The following CEP152 variants were observed in gnomAD, a reference collection of about 807,000 sequenced individuals.
CEP152 encodes centrosomal protein 152.
CEP152 carries 132 observed loss-of-function variants against 188.9 expected under a neutral mutation model. The observed-to-expected ratio is 0.70, with a 90% CI of 0.61 to 0.81. The LOEUF (loss-of-function observed/expected upper bound fraction) is 0.81. Among genes scored for constraint, CEP152 ranks in the 30% least tolerant of loss-of-function variants. The probability of loss-of-function intolerance (pLI) is 0.00; values close to 1 mark genes in which losing one functional copy is unlikely to be tolerated. For missense variants in CEP152, 1,914 were observed against 1,969.8 expected, an observed-to-expected ratio of 0.97 and a Z score of 0.54; for synonymous variants, 649 against 666.6, an observed-to-expected ratio of 0.97 and a Z score of 0.41.
At chr15:48,785,147 C>T (rs1425450532) in intron 9 of CEP152, among the ~76,000 whole-genome samples, 1 of 152,038 alleles carries the variant, frequency 6.6e-6, no homozygotes, top group Non-Finnish European at 1.5e-5. Context: ...TGTAGTATAA[C>T]CTAAAGCCCA....
At chr15:48,751,101 G>A (rs1295348317) in intron 21 of CEP152, among the ~76,000 whole-genome samples, 1 of 152,100 alleles carries the variant, frequency 6.6e-6, no homozygotes, top group Non-Finnish European at 1.5e-5. Flanking sequence ...CTCTCTGGTG[G>A]TAGGATTTTA....
At chr15:48,760,363 GT>G in intron 18 of CEP152, 97 bp from the exon 19 acceptor site, 1 of 1,403,462 alleles carries the variant, frequency 7.1e-7, no homozygotes, top group Non-Finnish European at 1.0e-6. Context: ...ATTTTATACT[GT>G]ATATCACTAC....
intron 13 of CEP152, among the ~76,000 whole-genome samples, chr15:48,771,288 G>A (rs1895514228): frequency 6.6e-6 from 1 of 152,160 alleles, no homozygotes; most frequent in Non-Finnish European, 1.5e-5. Context: ...GTCACAAAGT[G>A]CTCCAGCTTC....
Position 48,741,871 on chromosome 15 carries a change from G to C in CEP152, c.3989+76C>G, listed in dbSNP as rs1892998035. ...ATCATGTAGAAATAGTTAATTTAGT[G>C]GTTAAGGAAAATGCTTTAAAAATGA... On this transcript the variant is annotated intron_variant, in intron 25 of 26. Transcript: ENST00000380950. The C allele has an allele frequency of 3.7e-6, 6 of 1,612,988 alleles. No individual in the cohort carries two copies. In the East Asian group the frequency reaches 1.3e-4, roughly 36 times the overall value.
chr15:48,796,392 T>C (rs781564162), intron 5 of CEP152, among the ~76,000 whole-genome samples: 1 of 152,050 alleles, frequency 6.6e-6, no homozygotes. Context: ...CTGCAATACA[T>C]AATTTATAGA....
intron 12 of CEP152, chr15:48,773,420 C>CA (rs1895689642): frequency 6.6e-6 from 1 of 152,516 alleles, no homozygotes; most frequent in Non-Finnish European, 1.5e-5. Flanking sequence ...AGTGTCCAGG[C>CA]CATAGCACAG....
In CEP152 at chr15:48,783,974, G is replaced by A. The variant is rs372008720; in HGVS notation, c.1320C>T (p.Ser440=). ...ACAGTGGACCTACCAGACACCTACC[G>A]GACTGCAACAAGTGGGCACACTGCT... ...SQKQCAHLLQ[S]GSVQEVAQLQ... Residue 440 remains serine (S), a splice_region_variant and synonymous_variant, in exon 10 of 27, where the codon TCC becomes TCT. Transcript: ENST00000380950. 74 of 1,613,296 alleles carry A rather than the reference G, an allele frequency of 4.6e-5. No homozygotes were observed. The highest frequency in any genetic ancestry group is 3.3e-4 in the African/African-American group (25 of 74,730).
chr15:48,772,659 A>G lies in CEP152; in HGVS notation c.1610T>C (p.Leu537Pro), dbSNP rs1389083590. The part of the protein sequence containing the change: ...IVQEEDPNEE[L>P]SKDEFILKLK... ...CTTCAGAATGAACTCATCTTTTGAA[A>G]GCTCTTCATTTGGGTCTTCTTCTTG... is the stretch of plus-strand genomic sequence containing the variant. Residue 537 changes from leucine (L) to proline (P), a missense_variant, in exon 13 of 27, where the codon CTT (leucine) becomes CCT (proline). By Grantham distance (98) the Leu-to-Pro change is moderately conservative. Transcript: ENST00000380950. 4 of 1,614,092 alleles carry G rather than the reference A, an allele frequency of 2.5e-6. No homozygotes were observed. The South Asian group carries it at 4.4e-5, about 18-fold the overall frequency.
At chr15:48,730,018 C>T (rs1159396117) in intron 2 of CEP152, among the ~76,000 whole-genome samples, 1 of 151,634 alleles carries the variant, frequency 6.6e-6, no homozygotes, top group African/African-American at 2.4e-5. Flanking sequence ...AAAATTACTA[C>T]AAAACTGAAA....
chr15:48,751,186 A>C (rs1893850792), intron 21 of CEP152, among the ~76,000 whole-genome samples: 1 of 152,156 alleles, frequency 6.6e-6, no homozygotes, highest in South Asian at 2.1e-4. Context: ...GTTTGTTTTT[A>C]AGGGAAAAAA....
rs1165233317 is a variant in CEP152 at position 48,739,100 on chromosome 15, G to C, written c.4282C>G (p.His1428Asp). 6.2e-7 allele frequency: 1 copy of C among 1,614,184 alleles called. No individual in the cohort carries two copies. The highest frequency in any genetic ancestry group is 1.7e-5 in the Admixed American group (1 of 60,026). Residue 1428 changes from histidine (H) to aspartate (D), a missense_variant, in exon 27 of 27, where the codon CAT becomes GAT. By Grantham distance (81) the His-to-Asp change is moderately conservative (BLOSUM62 -1). Coordinates refer to ENST00000380950, the MANE Select transcript of CEP152 (RefSeq NM_001194998.2). ...NLQRLLENSE[H>D]QSIKHVGSKE... The stretch of plus-strand genomic sequence containing the variant: ...GATCCCACATGCTTTATGCTCTGAT[G>C]CTCTGAGTTCTCTAACAGCCTTTGT...
chr15:48,794,939 A>G (rs1204938578), intron 6 of CEP152, among the ~76,000 whole-genome samples: 1 of 152,224 alleles, frequency 6.6e-6, no homozygotes, highest in Non-Finnish European at 1.5e-5. Context: ...GATGGAAGCA[A>G]CAATATGAAG....
chr15:48,735,488 A>G (rs1414629878), downstream of CEP152, among the ~76,000 whole-genome samples: 1 of 152,198 alleles, frequency 6.6e-6, no homozygotes, highest in Non-Finnish European at 1.5e-5. Flanking sequence ...TAATCCCAGC[A>G]CTTTGGGAGG....
chr15:48,771,557 G>A (rs1345378180), intron 13 of CEP152, among the ~76,000 whole-genome samples: 2 of 152,136 alleles, frequency 1.3e-5, no homozygotes, highest in South Asian at 2.1e-4. Flanking sequence ...TTAAAGAAAT[G>A]CAGATTCCTT....
chr15:48,808,576 C>T (rs1345098674), intron 1 of CEP152, among the ~76,000 whole-genome samples: 3 of 151,794 alleles, frequency 2.0e-5, no homozygotes, highest in Non-Finnish European at 4.4e-5. Flanking sequence ...TGCTTAAGCT[C>T]GTGATGTTTC....
chr15:48,783,707 C>T (rs1429573864), intron 10 of CEP152, among the ~76,000 whole-genome samples: 1 of 149,808 alleles, frequency 6.7e-6, no homozygotes, highest in Admixed American at 6.7e-5. Flanking sequence ...TTATACTGGT[C>T]TCCAGCTTCC....
chr15:48,797,870 T>G lies in CEP152; in HGVS notation c.191+78A>C, dbSNP rs2140908379. 2.0e-6 allele frequency: 3 copies of G among 1,476,080 alleles called. No homozygotes were observed. In the East Asian group the frequency reaches 7.2e-5, roughly 36 times the overall value. The allele number at this position is 1,476,080 out of a possible 1,614,324, so 91.4% of individuals were successfully genotyped here. A position where few individuals can be genotyped will look rare whatever the true frequency, so the allele number is the denominator to read the frequency against. On this transcript the variant is annotated intron_variant, in intron 3 of 26. Transcript: ENST00000380950. Reference sequence around the variant, plus strand: ...GAATCAATTTACAATTTTATAATCATGTAATTATTAATCTTCATCAAAAGA... The same window carrying G: ...GAATCAATTTACAATTTTATAATCAGGTAATTATTAATCTTCATCAAAAGA...
Position 48,788,724 on chromosome 15 carries a change from G to A in CEP152, c.1173+77C>T, listed in dbSNP as rs561030213. ...CAAACATCCAAGACTTCTATATGATGAACCATAAAATATCAGTTACAAAAC... is the reference window on the plus strand; with the variant it reads ...CAAACATCCAAGACTTCTATATGATAAACCATAAAATATCAGTTACAAAAC... On this transcript the variant is annotated intron_variant, in intron 9 of 26. Transcript: ENST00000380950. 36 of 1,311,282 alleles carry A rather than the reference G, an allele frequency of 2.7e-5. No homozygotes were observed. In the African/African-American group the frequency reaches 3.6e-4, roughly 13 times the overall value. The allele number at this position is 1,311,282 out of a possible 1,614,324, so 81.2% of individuals were successfully genotyped here.
intron 2 of CEP152, among the ~76,000 whole-genome samples, chr15:48,800,557 T>C (rs1897607932): frequency 6.6e-6 from 1 of 152,204 alleles, no homozygotes; most frequent in African/African-American, 2.4e-5. Flanking sequence ...TTAGAAACTA[T>C]AAATTTTCCT....
Sources: allele counts gnomAD v4.1 joint callset (sites outside exome capture counted in the v4.1 genomes callset), GRCh38; gene constraint gnomAD v4.1.1; transcripts MANE v1.5; gene names NCBI Gene and HGNC (gene_info 2026-07-23, HGNC 2026-07-21).